CSMD1: variants seen among roughly 807,000 people sequenced by gnomAD.
CSMD1 encodes CUB and sushi domain-containing protein 1.
A neutral mutation model predicts 417.5 loss-of-function variants in CSMD1; 213 were observed. The observed-to-expected ratio is 0.51, with a 90% CI of 0.46 to 0.57. CSMD1 has a LOEUF of 0.57. Among genes scored for constraint, CSMD1 ranks in the 20% least tolerant of loss-of-function variants. The pLI is 0.00. For missense variants in CSMD1, 6,923 were observed against 4,529.7 expected, an observed-to-expected ratio of 1.53 and a Z score of -15.17; for synonymous variants, 2,862 against 1,736.8, an observed-to-expected ratio of 1.65 and a Z score of -16.11.
chr8:4,152,734 A>G (rs1379613361), intron 3 of CSMD1, among the ~76,000 whole-genome samples: 1 of 151,824 alleles, frequency 6.6e-6, no homozygotes, highest in Non-Finnish European at 1.5e-5. Context: ...CACACAATAG[A>G]TATATACGTC....
intron 1 of CSMD1, among the ~76,000 whole-genome samples, chr8:4,884,762 A>C (rs1403258965): frequency 6.6e-6 from 1 of 152,046 alleles, no homozygotes; most frequent in Non-Finnish European, 1.5e-5. Context: ...ACTCTGTCTT[A>C]TTGCGGTAGC....
intron 2 of CSMD1, among the ~76,000 whole-genome samples, chr8:4,454,452 G>A (rs749997905): frequency 7.2e-5 from 11 of 152,156 alleles, no homozygotes; most frequent in Non-Finnish European, 1.2e-4. Flanking sequence ...CTACACCGCC[G>A]TTTGAGTATA....
chr8:3,220,342 C>CG (rs1798129964), intron 28 of CSMD1, among the ~76,000 whole-genome samples: 1 of 152,078 alleles, frequency 6.6e-6, no homozygotes, highest in Non-Finnish European at 1.5e-5. Flanking sequence ...TATTAACATA[C>CG]AGTCAGTCCC....
chr8:3,068,419 C>G (rs1358416369), intron 49 of CSMD1, among the ~76,000 whole-genome samples: 2 of 152,056 alleles, frequency 1.3e-5, no homozygotes, highest in Non-Finnish European at 2.9e-5. Context: ...ATCATGGAAA[C>G]TAAGGAAAAG....
intron 1 of CSMD1, among the ~76,000 whole-genome samples, chr8:4,747,991 T>C (rs944721120): frequency 6.6e-6 from 1 of 152,234 alleles, no homozygotes; most frequent in East Asian, 1.9e-4. Flanking sequence ...GCTCTGCTGA[T>C]GTATTAGTTT....
chr8:4,564,666 T>C (rs192905214), intron 2 of CSMD1, among the ~76,000 whole-genome samples: 1 of 152,354 alleles, frequency 6.6e-6, no homozygotes, highest in Admixed American at 6.5e-5. Flanking sequence ...CAGATAATTC[T>C]AAAGTCTATA....
chr8:4,669,936 G>C (rs1207176634), intron 1 of CSMD1, among the ~76,000 whole-genome samples: 53 of 152,254 alleles, frequency 3.5e-4, no homozygotes, highest in Non-Finnish European at 1.2e-4. Context: ...ATTTTTGAAA[G>C]TCATGAGTTT....
intron 7 of CSMD1, among the ~76,000 whole-genome samples, chr8:3,629,289 A>G (rs1408121131): frequency 1.4e-5 from 2 of 142,162 alleles, no homozygotes; most frequent in African/African-American, 5.1e-5. Flanking sequence ...CTTAATGGAA[A>G]GCAGAGACTC....
intron 1 of CSMD1, among the ~76,000 whole-genome samples, chr8:4,673,696 A>T (rs1343900707): frequency 6.6e-6 from 1 of 152,208 alleles, no homozygotes; most frequent in Admixed American, 6.5e-5. Context: ...TTCCCCCAAG[A>T]AAACCCACAG....
intron 10 of CSMD1, among the ~76,000 whole-genome samples, chr8:3,505,201 T>A (rs1257683548): frequency 6.6e-6 from 1 of 152,140 alleles, no homozygotes; most frequent in South Asian, 2.1e-4. Context: ...AGACTGGGAA[T>A]GTAAAAGTCG....
intron 20 of CSMD1, among the ~76,000 whole-genome samples, chr8:3,363,554 G>C (rs1393592471): frequency 6.7e-6 from 1 of 149,738 alleles, no homozygotes; most frequent in African/African-American, 2.5e-5. Flanking sequence ...TTGAGACCGA[G>C]TCTCGCTGTA....
At chr8:3,630,084 C>T (rs1187269662) in intron 7 of CSMD1, among the ~76,000 whole-genome samples, 1 of 152,156 alleles carries the variant, frequency 6.6e-6, no homozygotes, top group Non-Finnish European at 1.5e-5. Context: ...ATGGAAATAA[C>T]ACTTTAAAAG....
chr8:4,207,850 T>C (rs1800076174), intron 3 of CSMD1, among the ~76,000 whole-genome samples: 1 of 152,114 alleles, frequency 6.6e-6, no homozygotes. Context: ...GTGATGTCAG[T>C]GATAATTGGT....
chr8:4,953,703 A>G lies in CSMD1; in HGVS notation c.85+40629T>C, dbSNP rs550091134. ...AGAATTATCAATATGCTATTTTTAC[A>G]TGTTGCTAAATTTGCCTGTTCCAAG... On this transcript the variant is annotated intron_variant, in intron 1 of 69. Transcript: ENST00000635120. 1.3e-3 allele frequency among the ~76,000 whole-genome samples: 198 copies of G among 152,308 alleles called. 1 individual carries two copies. Among genetic ancestry groups the G allele is most frequent in the Non-Finnish European group, 2.2e-3 (153 of 68,006 alleles).
chr8:3,716,638 T>G (rs1475865161), intron 6 of CSMD1, among the ~76,000 whole-genome samples: 2 of 152,174 alleles, frequency 1.3e-5, no homozygotes, highest in Admixed American at 6.5e-5. Flanking sequence ...CTGTGTCTTG[T>G]GCTAACCTCC....
At chr8:4,942,185 G>T (rs557607467) in intron 1 of CSMD1, among the ~76,000 whole-genome samples, 1 of 151,688 alleles carries the variant, frequency 6.6e-6, no homozygotes, top group African/African-American at 2.4e-5. Flanking sequence ...ATCCACTTTT[G>T]CTTCCTTCCC....
intron 3 of CSMD1, among the ~76,000 whole-genome samples, chr8:4,175,578 T>C (rs1797995561): frequency 6.6e-6 from 1 of 152,108 alleles, no homozygotes; most frequent in African/African-American, 2.4e-5. Flanking sequence ...TTGAAAGGTA[T>C]ATTAGGAGAG....
intron 3 of CSMD1, among the ~76,000 whole-genome samples, chr8:4,139,739 T>C (rs1163951028): frequency 6.6e-6 from 1 of 150,816 alleles, no homozygotes; most frequent in African/African-American, 2.5e-5. Flanking sequence ...AGTAGATGAG[T>C]ACAAAGAACC....
intron 7 of CSMD1, among the ~76,000 whole-genome samples, chr8:3,666,174 G>A (rs1003379652): frequency 6.6e-6 from 1 of 152,146 alleles, no homozygotes; most frequent in Non-Finnish European, 1.5e-5. Flanking sequence ...GGGATTACAG[G>A]CATGAGCCAC....
Sources: gnomAD v4.1 joint callset for allele counts (sites outside exome capture counted in the v4.1 genomes callset) on GRCh38, gnomAD v4.1.1 for gene constraint, MANE v1.5 for transcripts, NCBI Gene and HGNC (gene_info 2026-07-23, HGNC 2026-07-21) for gene names.